Variants in LRRC4C observed in about 807,000 individuals in gnomAD.
The protein encoded by LRRC4C is leucine-rich repeat-containing protein 4C.
Under a neutral mutation model 33.6 loss-of-function variants are expected in LRRC4C, and 5 were observed. The observed-to-expected ratio is 0.15, with a 90% CI of 0.08 to 0.31. The LOEUF is 0.31. LRRC4C is among the 10% of genes least tolerant of loss of function. LRRC4C has a pLI of 1.00. For missense variants in LRRC4C, 560 were observed against 796.7 expected (o/e 0.70, Z 3.58); for synonymous variants, 329 against 302.0 (o/e 1.09, Z -0.93).
chr11:40,681,975 G>C (rs1220881736), intron 2 of LRRC4C, among the ~76,000 whole-genome samples: 2 of 152,254 alleles, frequency 1.3e-5, no homozygotes, highest in East Asian at 1.9e-4. Context: ...AGGGATAAAA[G>C]ACAACAAATA....
rs372663008 is a variant in LRRC4C, at chr11:40,115,921, C to T, written c.372G>A (p.Ala124=). 4.9e-5 allele frequency: 79 copies of T among 1,613,906 alleles called. No homozygotes were observed. Among genetic ancestry groups the T allele is most frequent in the Middle Eastern group, 1.6e-4 (1 of 6,082 alleles). Residue 124 remains alanine (A), a synonymous_variant, in exon 7 of 7, where the codon GCG becomes GCA. Transcript: ENST00000528697. The surrounding 1 kb of genome is among the most constrained non-coding windows in gnomAD (Gnocchi z 6.7). ...CAAAGAGTTCCAGAGTGTTGAGGTT[C>T]GCCAGACCATTGAAAGCCCCAATTT... ...TIEIGAFNGL[A]NLNTLELFDN... is the part of the protein sequence containing the mutation.
intron 1 of LRRC4C, among the ~76,000 whole-genome samples, chr11:41,190,839 C>A (rs761662692): frequency 6.6e-6 from 1 of 152,126 alleles, no homozygotes; most frequent in African/African-American, 2.4e-5. Context: ...TCATTTAGCA[C>A]CAAGCCACTT....
chr11:41,313,231 C>T (rs986689096), intron 1 of LRRC4C, among the ~76,000 whole-genome samples: 3 of 152,174 alleles, frequency 2.0e-5, no homozygotes, highest in Non-Finnish European at 4.4e-5. Context: ...CTTCTCCTTC[C>T]TCAACATGTC....
At chr11:41,188,060 C>T (rs1465329121) in intron 1 of LRRC4C, among the ~76,000 whole-genome samples, 1 of 36,754 alleles carries the variant, frequency 2.7e-5, no homozygotes, top group African/African-American at 4.7e-5. Context: ...AAGAGACTGT[C>T]AATCAGTCTC....
At chr11:41,161,451 G>T (rs549671440) in intron 1 of LRRC4C, among the ~76,000 whole-genome samples, 22 of 152,162 alleles carry the variant, frequency 1.4e-4, no homozygotes, top group African/African-American at 4.8e-4. Context: ...ATTAAATCCA[G>T]ATACTTACCA....
intron 2 of LRRC4C, among the ~76,000 whole-genome samples, chr11:40,895,374 C>T (rs1023591661): frequency 1.3e-5 from 2 of 151,664 alleles, no homozygotes; most frequent in Non-Finnish European, 2.9e-5. Flanking sequence ...AATTAAAATA[C>T]CAAAAAAAAC....
In LRRC4C at chr11:40,115,819, G is replaced by A. The variant is rs1855388780; in HGVS notation, c.474C>T (p.Asn158=). The part of the protein sequence containing the change: ...SKLKELWLRN[N]PIESIPSYAF... The stretch of plus-strand genomic sequence containing the variant: ...CATAAGAAGGGATGCTTTCAATGGG[G>A]TTGTTTCGCAACCAGAGCTCCTTCA... The change falls in exon 7 of 7, where the codon AAC becomes AAT. Residue 158 remains asparagine (N), a synonymous_variant. Transcript: ENST00000528697. The surrounding 1 kb of genome is among the most constrained non-coding windows in gnomAD (Gnocchi z 6.7). 1.9e-6 allele frequency: 3 copies of A among 1,614,172 alleles called. No individual in the cohort carries two copies. Among genetic ancestry groups the A allele is most frequent in the South Asian group, 2.2e-5 (2 of 91,076 alleles).
intron 1 of LRRC4C, among the ~76,000 whole-genome samples, chr11:41,442,458 CTTTTT>C (rs775679545): frequency 5.9e-5 from 5 of 84,070 alleles, no homozygotes; most frequent in Non-Finnish European, 9.4e-5. Flanking sequence ...TTGCTTTTTT[CTTTTT>C]TTTTTTTTTT....
intron 1 of LRRC4C, among the ~76,000 whole-genome samples, chr11:41,285,386 T>A (rs1024680068): frequency 6.6e-6 from 1 of 152,230 alleles, no homozygotes; most frequent in East Asian, 1.9e-4. Flanking sequence ...GCATGATTTA[T>A]TTTTTAAATA....
intron 2 of LRRC4C, among the ~76,000 whole-genome samples, chr11:40,745,963 A>T (rs1047348061): frequency 7.2e-5 from 11 of 152,200 alleles, no homozygotes; most frequent in African/African-American, 2.4e-4. Context: ...CTCCTCCACT[A>T]AGAAGAAACA....
intron 3 of LRRC4C, among the ~76,000 whole-genome samples, chr11:40,637,467 G>T (rs980404700): frequency 6.6e-6 from 1 of 152,128 alleles, no homozygotes; most frequent in East Asian, 1.9e-4. Flanking sequence ...ATTATCCTTT[G>T]AAGTAGATAT....
At chr11:41,158,991 T>C (rs764730212) in intron 1 of LRRC4C, among the ~76,000 whole-genome samples, 2 of 152,024 alleles carry the variant, frequency 1.3e-5, no homozygotes, top group Non-Finnish European at 2.9e-5. Context: ...TCCTGCAAGT[T>C]AAAACTCAAT....
At chr11:40,240,921 T>C (rs1441862999) in intron 5 of LRRC4C, among the ~76,000 whole-genome samples, 1 of 152,176 alleles carries the variant, frequency 6.6e-6, no homozygotes, top group Non-Finnish European at 1.5e-5. Context: ...TTCAAAGTGT[T>C]TAGCCTAATT....
intron 2 of LRRC4C, among the ~76,000 whole-genome samples, chr11:40,748,766 T>A (rs1337632929): frequency 6.6e-6 from 1 of 152,004 alleles, no homozygotes; most frequent in Non-Finnish European, 1.5e-5. Context: ...ACATATAGAT[T>A]GAAAGTAAAG....
At chr11:40,697,435 C>T (rs1331277562) in intron 2 of LRRC4C, among the ~76,000 whole-genome samples, 2 of 152,048 alleles carry the variant, frequency 1.3e-5, no homozygotes, top group African/African-American at 4.8e-5. Flanking sequence ...TTTGGATATA[C>T]ATTATTTTCT....
intron 4 of LRRC4C, among the ~76,000 whole-genome samples, chr11:40,289,386 G>C (rs564597266): frequency 2.0e-4 from 31 of 152,226 alleles, no homozygotes; most frequent in Admixed American, 9.8e-4. Context: ...ACAATTGAGA[G>C]CCAGGGAAAT....
chr11:41,444,000 A>T (rs1484157270), intron 1 of LRRC4C, among the ~76,000 whole-genome samples: 2 of 152,136 alleles, frequency 1.3e-5, no homozygotes, highest in Admixed American at 1.3e-4. Flanking sequence ...TATGTGAAAC[A>T]TCACAGAAGA....
intron 1 of LRRC4C, among the ~76,000 whole-genome samples, chr11:41,025,065 C>T (rs548435704): frequency 2.0e-5 from 3 of 151,650 alleles, no homozygotes; most frequent in Non-Finnish European, 3.0e-5. Context: ...GCTCCACTCA[C>T]TGGCTGTTCC....
chr11:40,781,118 G>A (rs565184236), intron 2 of LRRC4C, among the ~76,000 whole-genome samples: 18 of 152,052 alleles, frequency 1.2e-4, no homozygotes, highest in Admixed American at 2.0e-4. Flanking sequence ...CTACCAATCC[G>A]TACAGCATGT....
Sources: gnomAD v4.1 joint callset for allele counts (sites outside exome capture counted in the v4.1 genomes callset) on GRCh38, gnomAD v4.1.1 for gene constraint, Gnocchi (gnomAD v3.1) non-coding constraint, MANE v1.5 for transcripts, NCBI Gene and HGNC (gene_info 2026-07-23, HGNC 2026-07-21) for gene names.